The following EPHA5 variants were observed in gnomAD, a reference collection of about 807,000 sequenced individuals.
EPHA5 encodes ephrin type-A receptor 5.
Under a neutral mutation model 105.0 loss-of-function variants are expected in EPHA5, and 60 were observed. The observed-to-expected ratio is 0.57, with a 90% CI of 0.46 to 0.71. The LOEUF (loss-of-function observed/expected upper bound fraction) is 0.71, where lower values mean the gene tolerates loss of function less well. EPHA5 is among the 30% of genes least tolerant of loss of function. The pLI is 0.00. For missense variants in EPHA5, 1,218 were observed against 1,274.7 expected, an observed-to-expected ratio of 0.96 and a Z score of 0.68; for synonymous variants, 513 against 449.1, an observed-to-expected ratio of 1.14 and a Z score of -1.80.
intron 5 of EPHA5, among the ~76,000 whole-genome samples, chr4:65,421,745 T>A (rs1723965876): frequency 6.6e-6 from 1 of 152,126 alleles, no homozygotes; most frequent in Non-Finnish European, 1.5e-5. Context: ...AAGGCAGGAA[T>A]TGATTTGGTT....
At chr4:65,414,527 A>T (rs1723211647) in intron 6 of EPHA5, 84 bp from the exon 7 acceptor site, 1 of 1,446,306 alleles carries the variant, frequency 6.9e-7, no homozygotes, top group African/African-American at 1.4e-5. Context: ...AGATCAGAAA[A>T]TGAATCAGAA....
At chr4:65,489,607 C>T (rs1731215015) in intron 5 of EPHA5, among the ~76,000 whole-genome samples, 1 of 152,186 alleles carries the variant, frequency 6.6e-6, no homozygotes, top group African/African-American at 2.4e-5. Flanking sequence ...TTTAGAATGC[C>T]ACATAGTGGG....
intron 5 of EPHA5, among the ~76,000 whole-genome samples, chr4:65,458,330 C>T (rs1361343719): frequency 6.6e-6 from 1 of 152,164 alleles, no homozygotes; most frequent in East Asian, 1.9e-4. Context: ...TATCAATTTA[C>T]CTTTCCAAAC....
At chr4:65,485,964 T>C (rs954166587) in intron 5 of EPHA5, among the ~76,000 whole-genome samples, 7 of 152,068 alleles carry the variant, frequency 4.6e-5, no homozygotes, top group Non-Finnish European at 8.8e-5. Flanking sequence ...TCAAAAGAAA[T>C]GTGATTGTCT....
intron 5 of EPHA5, among the ~76,000 whole-genome samples, chr4:65,466,082 G>A (rs1728691137): frequency 6.6e-6 from 1 of 152,242 alleles, no homozygotes; most frequent in East Asian, 1.9e-4. Context: ...AAATGGGATA[G>A]GAAAGGTTAG....
chr4:65,644,539 A>G (rs1209788695), intron 1 of EPHA5, among the ~76,000 whole-genome samples: 1 of 152,068 alleles, frequency 6.6e-6, no homozygotes, highest in Admixed American at 6.5e-5. Flanking sequence ...TAAAAGGATG[A>G]TTCTTTGTGT....
intron 5 of EPHA5, among the ~76,000 whole-genome samples, chr4:65,431,667 A>G (rs1724990873): frequency 6.6e-6 from 1 of 152,162 alleles, no homozygotes; most frequent in Admixed American, 6.6e-5. Context: ...GGTTATCGCA[A>G]TCAACAATTC....
At chr4:65,507,216 A>C (rs1733126904) in intron 3 of EPHA5, among the ~76,000 whole-genome samples, 1 of 151,928 alleles carries the variant, frequency 6.6e-6, no homozygotes, top group South Asian at 2.1e-4. Flanking sequence ...GTTCTGTTCC[A>C]TTGGTCTATA....
chr4:65,507,590 G>C (rs955293945), intron 3 of EPHA5, among the ~76,000 whole-genome samples: 1 of 152,128 alleles, frequency 6.6e-6, no homozygotes, highest in Non-Finnish European at 1.5e-5. Flanking sequence ...CACATCCCTT[G>C]TAAGTTGGAT....
intron 3 of EPHA5, chr4:65,573,825 C>G (rs11546768): frequency 3.1e-6 from 5 of 1,613,588 alleles, no homozygotes; most frequent in African/African-American, 1.3e-5. Flanking sequence ...AGATGTGCCT[C>G]GAAAGCTGTT....
At chr4:65,601,562 T>C in intron 3 of EPHA5, 79 bp downstream of exon 3, 13 of 1,332,988 alleles carry the variant, frequency 9.8e-6, no homozygotes, top group Non-Finnish European at 1.3e-5. Context: ...GGTCATTTCC[T>C]CATAATCATT....
intron 3 of EPHA5, among the ~76,000 whole-genome samples, chr4:65,516,791 A>G (rs949146769): frequency 6.6e-6 from 1 of 152,090 alleles, no homozygotes; most frequent in Non-Finnish European, 1.5e-5. Flanking sequence ...TAGACTCCAT[A>G]CAATGTTGAC....
At chr4:65,404,181 G>C (rs1387019030) in intron 8 of EPHA5, among the ~76,000 whole-genome samples, 193 bp downstream of exon 8, 2 of 152,110 alleles carry the variant, frequency 1.3e-5, no homozygotes, top group Non-Finnish European at 2.9e-5. Flanking sequence ...TACCTAAAAA[G>C]AGAAATTGTG....
At chr4:65,365,823 A>T in intron 10 of EPHA5, 109 bp downstream of exon 10, 1 of 1,153,360 alleles carries the variant, frequency 8.7e-7, no homozygotes, top group African/African-American at 1.5e-5. Context: ...TTTGAATGCA[A>T]GCCAATTAGA....
At chr4:65,515,096 A>G (rs542348994) in intron 3 of EPHA5, among the ~76,000 whole-genome samples, 1 of 152,002 alleles carries the variant, frequency 6.6e-6, no homozygotes, top group African/African-American at 2.4e-5. Context: ...CAACTTGTCA[A>G]CTCTCCATGT....
At chr4:65,324,742 C>CTTT (rs368440921) in intron 16 of EPHA5, among the ~76,000 whole-genome samples, 2,933 of 131,318 alleles carry the variant, frequency 0.022, 46 homozygotes, top group Non-Finnish European at 0.034. Context: ...CAATGTTTTA[C>CTTT]TTTTTTTTTT....
intron 3 of EPHA5, among the ~76,000 whole-genome samples, chr4:65,592,192 C>G (rs1367136494): frequency 6.6e-6 from 1 of 152,056 alleles, no homozygotes; most frequent in Non-Finnish European, 1.5e-5. Flanking sequence ...AGTATAACAG[C>G]TTGACGTTCC....
chr4:65,475,388 T>C (rs2149172472), intron 5 of EPHA5, among the ~76,000 whole-genome samples: 1 of 152,300 alleles, frequency 6.6e-6, no homozygotes, highest in African/African-American at 2.4e-5. Context: ...AATCCTTCTT[T>C]CCTCTAAGTG....
At chr4:65,484,012 T>A (rs1730637461) in intron 5 of EPHA5, among the ~76,000 whole-genome samples, 1 of 152,200 alleles carries the variant, frequency 6.6e-6, no homozygotes, top group Non-Finnish European at 1.5e-5. Context: ...GACAAATTAA[T>A]CTTGTAAAAC....
Sources: gnomAD v4.1 joint callset for allele counts (sites outside exome capture counted in the v4.1 genomes callset) on GRCh38, gnomAD v4.1.1 for gene constraint, MANE v1.5 for transcripts, NCBI Gene and HGNC (gene_info 2026-07-23, HGNC 2026-07-21) for gene names.